The following XPO4 variants were observed in gnomAD, a reference collection of about 807,000 sequenced individuals.
The protein encoded by XPO4 is exportin 4.
XPO4 carries 39 observed loss-of-function variants against 143.0 expected under a neutral mutation model. The observed-to-expected ratio is 0.27, with a 90% CI of 0.21 to 0.36. The LOEUF is 0.36. XPO4 is among the 10% of genes least tolerant of loss of function. XPO4 has a pLI of 1.00. For synonymous variants in XPO4, 439 were observed against 474.0 expected, an observed-to-expected ratio of 0.93 and a Z score of 0.96; for missense variants, 907 against 1,348.0, an observed-to-expected ratio of 0.67 and a Z score of 5.12.
chr13:20,783,961 T>A (rs768666878), intron 22 of XPO4, 42 bp from the exon 23 acceptor site: 1 of 1,590,714 alleles, frequency 6.3e-7, no homozygotes, highest in Admixed American at 1.7e-5. Context: ...CTCCTTAGAA[T>A]ATCATACAAG....
intron 12 of XPO4, 69 bp downstream of exon 12, chr13:20,808,367 A>T: frequency 7.1e-7 from 1 of 1,415,332 alleles, no homozygotes; most frequent in Non-Finnish European, 9.4e-7. Context: ...TTTTTCATAT[A>T]GGAAGCTTCT....
At chr13:20,815,631 T>C (rs1365443906) in intron 9 of XPO4, among the ~76,000 whole-genome samples, 1 of 152,224 alleles carries the variant, frequency 6.6e-6, no homozygotes, top group Admixed American at 6.5e-5. Context: ...TGGAAAGCTT[T>C]TTCTGTTGAT....
intron 1 of XPO4, among the ~76,000 whole-genome samples, chr13:20,888,682 T>G (rs1294914380): frequency 1.3e-5 from 2 of 151,942 alleles, no homozygotes; most frequent in East Asian, 3.9e-4. Context: ...AAAGGTTTCA[T>G]TGAATACTGT....
chr13:20,801,493 C>T (rs1309218247), intron 13 of XPO4, among the ~76,000 whole-genome samples: 1 of 152,122 alleles, frequency 6.6e-6, no homozygotes, highest in Non-Finnish European at 1.5e-5. Context: ...TCCAATATTT[C>T]CTAGTAAACT....
At chr13:20,878,453 G>C (rs994121570) in intron 1 of XPO4, among the ~76,000 whole-genome samples, 1 of 152,008 alleles carries the variant, frequency 6.6e-6, no homozygotes, top group Non-Finnish European at 1.5e-5. Context: ...TCCACCAACA[G>C]AGAATACATT....
chr13:20,813,425 A>G (rs1015684770), intron 9 of XPO4, among the ~76,000 whole-genome samples: 8 of 152,202 alleles, frequency 5.3e-5, no homozygotes, highest in Non-Finnish European at 7.3e-5. Flanking sequence ...ACAGAACTAC[A>G]TATTTAAATA....
intron 22 of XPO4, among the ~76,000 whole-genome samples, chr13:20,786,307 G>GTA (rs35172496): frequency 0.23 from 34,272 of 146,658 alleles, 5,120 homozygotes; most frequent in East Asian, 0.72. Context: ...ACGTGTGTGT[G>GTA]TATATATATA....
chr13:20,828,732 G>T (rs2059817451), intron 6 of XPO4, among the ~76,000 whole-genome samples: 1 of 152,106 alleles, frequency 6.6e-6, no homozygotes, highest in Non-Finnish European at 1.5e-5. Context: ...GAGGTACAGG[G>T]AAAGAGGTGA....
intron 10 of XPO4, 65 bp downstream of exon 10, chr13:20,809,726 G>A: frequency 6.7e-7 from 1 of 1,493,010 alleles, no homozygotes; most frequent in Non-Finnish European, 9.0e-7. Context: ...TATATAATGT[G>A]TAACATGGTA....
intron 1 of XPO4, among the ~76,000 whole-genome samples, chr13:20,897,604 A>G (rs1428785670): frequency 6.6e-6 from 1 of 152,216 alleles, no homozygotes; most frequent in East Asian, 1.9e-4. Flanking sequence ...CATACACAGC[A>G]TAGTGTCTAA....
At chr13:20,847,968 T>C (rs1028514443) in intron 4 of XPO4, among the ~76,000 whole-genome samples, 27 of 152,350 alleles carry the variant, frequency 1.8e-4, no homozygotes, top group African/African-American at 6.0e-4. Flanking sequence ...AGGAATTATT[T>C]CTATGGCAAT....
chr13:20,831,339 C>T (rs1171412876), intron 6 of XPO4, among the ~76,000 whole-genome samples: 1 of 152,028 alleles, frequency 6.6e-6, no homozygotes, highest in East Asian at 1.9e-4. Flanking sequence ...TTATAGTCAC[C>T]ACTTTAGCAT....
rs553358491 is a variant in XPO4, at chr13:20,818,910, T to C, written c.1173+2794A>G. Among the ~76,000 whole-genome samples, 13 of 151,188 alleles carry C rather than the reference T, an allele frequency of 8.6e-5. No individual in the cohort carries two copies. The South Asian group carries it at 2.6e-3, about 30-fold the overall frequency. On this transcript the variant is annotated intron_variant, in intron 9 of 22. Transcript: ENST00000255305. ...ATCTTGGGTCACTGCAACCTCCGCC[T>C]CTCGGGTTCAAGAGATCCTCCTGCT...
At chr13:20,799,389 A>AGT in intron 15 of XPO4, 50 bp from the exon 16 acceptor site, 1 of 1,431,776 alleles carries the variant, frequency 7.0e-7, no homozygotes, top group Non-Finnish European at 9.6e-7. Flanking sequence ...GTATATACAT[A>AGT]CACACATACA....
chr13:20,879,543 T>C (rs545442357), intron 1 of XPO4, among the ~76,000 whole-genome samples: 133 of 152,312 alleles, frequency 8.7e-4, no homozygotes, highest in African/African-American at 3.0e-3. Flanking sequence ...TCAGAGTTTT[T>C]CATAAACATT....
chr13:20,798,147 A>G (rs2059382986), intron 16 of XPO4, among the ~76,000 whole-genome samples: 1 of 152,166 alleles, frequency 6.6e-6, no homozygotes, highest in Non-Finnish European at 1.5e-5. Flanking sequence ...CGTCTCAAAA[A>G]AAAAGAAAAT....
At chr13:20,872,180 G>A (rs2060305245) in intron 1 of XPO4, among the ~76,000 whole-genome samples, 1 of 152,082 alleles carries the variant, frequency 6.6e-6, no homozygotes, top group Admixed American at 6.6e-5. Flanking sequence ...TCCCCAAGTG[G>A]TACTGACCCA....
intron 1 of XPO4, among the ~76,000 whole-genome samples, chr13:20,871,633 T>C (rs1468069592): frequency 6.6e-6 from 1 of 152,236 alleles, no homozygotes; most frequent in Non-Finnish European, 1.5e-5. Context: ...CTGCTACAAA[T>C]ACGAATCTAT....
intron 9 of XPO4, among the ~76,000 whole-genome samples, chr13:20,815,413 G>A (rs889056561): frequency 6.6e-6 from 1 of 152,134 alleles, no homozygotes; most frequent in Non-Finnish European, 1.5e-5. Context: ...GCATGTTTGA[G>A]GGGGTTTGTA....
Sources: allele counts gnomAD v4.1 joint callset (sites outside exome capture counted in the v4.1 genomes callset), GRCh38; gene constraint gnomAD v4.1.1; transcripts MANE v1.5; gene names NCBI Gene and HGNC (gene_info 2026-07-23, HGNC 2026-07-21).